Variants in OR56B4 observed in about 807,000 individuals in gnomAD.
The protein encoded by OR56B4 is olfactory receptor family 56 subfamily B member 4, also known as olfactory receptor 56B4.
For missense variants in OR56B4, 447 were observed against 384.6 expected (o/e 1.16, Z -1.36); for synonymous variants, 142 against 149.5 (o/e 0.95, Z 0.37).
Position 6,108,621 on chromosome 11 carries a change from T to C in OR56B4, c.843T>C (p.Asn281=). The C allele has an allele frequency of 6.2e-7, 1 of 1,614,192 alleles. No individual in the cohort carries two copies. Among genetic ancestry groups the C allele is most frequent in the Non-Finnish European group, 8.5e-7 (1 of 1,180,024 alleles). The stretch of plus-strand genomic sequence containing the variant: ...TTCCCCTTATTCCTGTGTTCCTTAA[T>C]GTGCTGCACAATGTCATCCCCCCTG... ...KKIPLIPVFL[N]VLHNVIPPAL... is the part of the protein sequence containing the mutation. Residue 281 remains asparagine, a synonymous_variant, in exon 1 of 1, where the codon AAT becomes AAC. Coordinates refer to ENST00000316529, the MANE Select transcript of OR56B4 (RefSeq NM_001005181.2).
rs756308116 is a variant in OR56B4, at chr11:6,108,782, G to T, written c.*44G>T. 5.0e-6 allele frequency: 8 copies of T among 1,592,858 alleles called. No individual in the cohort carries two copies. The Admixed American group carries it at 1.4e-4, about 27-fold the overall frequency. Reference sequence around the variant, plus strand: ...AGTAAGATGTTAGGAAATGACAGAGGTTTTAGTTCTCAATAGATCAGGGTT... The same window carrying T: ...AGTAAGATGTTAGGAAATGACAGAGTTTTTAGTTCTCAATAGATCAGGGTT... On this transcript the variant is annotated 3_prime_UTR_variant, in exon 1 of 1. Coordinates refer to ENST00000316529, the MANE Select transcript of OR56B4 (RefSeq NM_001005181.2).
In OR56B4 at chr11:6,108,289, C is replaced by T; in HGVS notation, c.511C>T (p.Gln171Ter). ...CATCCCAGTGCCTATACTGGCTGCC[C>T]AGAGACACTACTGTTCCAGGAATGA... ...LTIPVPILAA[Q>*]RHYCSRNEIE... The change falls in exon 1 of 1, where the codon CAG becomes TAG. Residue 171 changes from glutamine to a stop codon, truncating the protein, a stop_gained. Transcript: ENST00000316529. LOFTEE classifies it low-confidence loss of function (END_TRUNC). 1.2e-6 allele frequency: 2 copies of T among 1,614,194 alleles called. No homozygotes were observed. Among genetic ancestry groups the T allele is most frequent in the Non-Finnish European group, 1.7e-6 (2 of 1,180,028 alleles).
chr11:6,108,554 G>A lies in OR56B4; in HGVS notation c.776G>A (p.Gly259Asp), dbSNP rs774988701. 8 of 1,613,868 alleles carry A rather than the reference G, an allele frequency of 5.0e-6. No homozygotes were observed. Among genetic ancestry groups the A allele is most frequent in the Non-Finnish European group, 5.9e-6 (7 of 1,179,922 alleles). ...SHLILILFHT[G>D]IIVLSVTHLA... Reference sequence around the variant, plus strand: ...CTCATCCTCATCCTCTTCCACACAGGTATCATTGTGCTGTCTGTCACACAC... The same window carrying A: ...CTCATCCTCATCCTCTTCCACACAGATATCATTGTGCTGTCTGTCACACAC... Residue 259 changes from glycine to aspartate, a missense_variant, in exon 1 of 1, where the codon GGT becomes GAT. Transcript: ENST00000316529.
Position 6,108,652 on chromosome 11 carries a change from A to G in OR56B4, c.874A>G (p.Asn292Asp). The G allele has an allele frequency of 6.2e-7, 1 of 1,613,940 alleles. No homozygotes were observed. Among genetic ancestry groups the G allele is most frequent in the Non-Finnish European group, 8.5e-7 (1 of 1,179,886 alleles). ...GCACAATGTCATCCCCCCTGCACTCAACCCCCTGGCCTGTGCACTCAGGAT... is the reference window on the plus strand; with the variant it reads ...GCACAATGTCATCCCCCCTGCACTCGACCCCCTGGCCTGTGCACTCAGGAT... ...VLHNVIPPAL[N>D]PLACALRMHK... is the part of the protein sequence containing the mutation. Residue 292 changes from asparagine to aspartate, a missense_variant, in exon 1 of 1, where the codon AAC becomes GAC. Transcript: ENST00000316529.
In OR56B4 at chr11:6,108,278, T is replaced by C. The variant is rs1238003737; in HGVS notation, c.500T>C (p.Ile167Thr). Residue 167 changes from isoleucine (I) to threonine (T), a missense_variant, in exon 1 of 1, where the codon ATA becomes ACA. Coordinates refer to ENST00000316529, the MANE Select transcript of OR56B4 (RefSeq NM_001005181.2). ...GGCCTGTTGACCATCCCAGTGCCTA[T>C]ACTGGCTGCCCAGAGACACTACTGT... ...RNGLLTIPVP[I>T]LAAQRHYCSR... 4 of 1,614,054 alleles carry C rather than the reference T, an allele frequency of 2.5e-6. No homozygotes were observed. Among genetic ancestry groups the C allele is most frequent in the East Asian group, 2.2e-5 (1 of 44,898 alleles).
At position 6,108,231 on chromosome 11, in the gene OR56B4, AG is replaced by A; in HGVS notation, c.456del (p.Phe153SerfsTer9). Reference protein sequence around the residue: ...VTKAFVFKATGFIMLRNGLLT... With the variant: ...VTKAFVFKATXFIMLRNGLLT... ...CTAAAGCTTTTGTCTTCAAAGCCAC[AG>A]GGTTCATCATGCTCAGGAATGGCCT... On this transcript the variant is annotated frameshift_variant, in exon 1 of 1. Transcript: ENST00000316529. LOFTEE classifies it low-confidence loss of function (END_TRUNC). 6.2e-7 allele frequency: 1 copy of A among 1,614,192 alleles called. No individual in the cohort carries two copies. Among genetic ancestry groups the A allele is most frequent in the South Asian group, 1.1e-5 (1 of 91,080 alleles).
rs1056976840 is a variant in OR56B4, at chr11:6,108,436, G to A, written c.658G>A (p.Val220Ile). 1.2e-6 allele frequency: 2 copies of A among 1,614,060 alleles called. No homozygotes were observed. The highest frequency in any genetic ancestry group is 1.7e-6 in the Non-Finnish European group (2 of 1,180,008). Residue 220 changes from valine to isoleucine, a missense_variant, in exon 1 of 1, where the codon GTA (valine) becomes ATA (isoleucine). Physicochemically the swap from Val to Ile is conservative, Grantham distance 29. Transcript: ENST00000316529. ...WVLVGSDMAL[V>I]FSSYAVILHS... The stretch of plus-strand genomic sequence containing the variant: ...CTTGGTTGGGAGTGATATGGCTCTG[G>A]TATTTTCTTCCTATGCTGTAATCCT...
chr11:6,107,955 C>A lies in OR56B4; in HGVS notation c.177C>A (p.Thr59=), dbSNP rs560313546. ...TCATAATCACCATTCAACATGAGACCGTGCTACATGAACCCATGTACCATT... is the reference window on the plus strand; with the variant it reads ...TCATAATCACCATTCAACATGAGACAGTGCTACATGAACCCATGTACCATT... ...LLIIITIQHE[T]VLHEPMYHLL... is the part of the protein sequence containing the mutation. Residue 59 remains threonine, a synonymous_variant, in exon 1 of 1, where the codon ACC becomes ACA. Transcript: ENST00000316529. The A allele has an allele frequency of 2.5e-6, 4 of 1,613,970 alleles. No individual in the cohort carries two copies. The highest frequency in any genetic ancestry group is 2.2e-5 in the South Asian group (2 of 91,076).
In OR56B4 at chr11:6,108,127, G is replaced by C. The variant is rs1264479594; in HGVS notation, c.349G>C (p.Glu117Gln). 1 of 1,614,090 alleles carries C rather than the reference G, an allele frequency of 6.2e-7. No homozygotes were observed. Among genetic ancestry groups the C allele is most frequent in the Non-Finnish European group, 8.5e-7 (1 of 1,180,036 alleles). ...TGCCATCCACTGCTTCTTCTGCATA[G>C]AGTCAGGCATCTTTCTCTGCATGGC... The part of the protein sequence containing the change: ...IYAIHCFFCI[E>Q]SGIFLCMAVD... Residue 117 changes from glutamate (E) to glutamine (Q), a missense_variant, in exon 1 of 1, where the codon GAG becomes CAG. Physicochemically the swap from Glu to Gln is conservative, Grantham distance 29. Coordinates refer to ENST00000316529, the MANE Select transcript of OR56B4 (RefSeq NM_001005181.2).
rs758019955 is a variant in OR56B4, at chr11:6,108,268, C to G, written c.490C>G (p.Pro164Ala). The G allele has an allele frequency of 2.5e-6, 4 of 1,614,048 alleles. No individual in the cohort carries two copies. Among genetic ancestry groups the G allele is most frequent in the Non-Finnish European group, 3.4e-6 (4 of 1,180,022 alleles). The change falls in exon 1 of 1, where the codon CCA becomes GCA. Residue 164 changes from proline to alanine, a missense_variant. Transcript: ENST00000316529. ...IMLRNGLLTI[P>A]VPILAAQRHY... ...GCTCAGGAATGGCCTGTTGACCATC[C>G]CAGTGCCTATACTGGCTGCCCAGAG...
rs202124822 is a variant in OR56B4 at position 6,108,509 on chromosome 11, T to G, written c.731T>G (p.Leu244Arg). The G allele has an allele frequency of 2.5e-6, 4 of 1,614,114 alleles. No individual in the cohort carries two copies. Among genetic ancestry groups the G allele is most frequent in the Non-Finnish European group, 3.4e-6 (4 of 1,180,038 alleles). The change falls in exon 1 of 1, where the codon CTG (leucine) becomes CGG (arginine). Residue 244 changes from leucine to arginine, a missense_variant. By Grantham distance (102) the Leu-to-Arg change is moderately radical. Coordinates refer to ENST00000316529, the MANE Select transcript of OR56B4 (RefSeq NM_001005181.2). ...LNSAEAMSKA[L>R]STCSSHLILI... Reference sequence around the variant, plus strand: ...TCAGCAGAAGCAATGTCCAAGGCTCTGAGCACTTGTAGCTCCCACCTCATC... The same window carrying G: ...TCAGCAGAAGCAATGTCCAAGGCTCGGAGCACTTGTAGCTCCCACCTCATC...
chr11:6,107,758 T>G lies in OR56B4; in HGVS notation c.-21T>G. On this transcript the variant is annotated 5_prime_UTR_variant, in exon 1 of 1. Transcript: ENST00000316529. ...GATTTCTTCTATTTCAGACAGACAC[T>G]GAGACTGAGGCACCCATTCCATGGA... is the stretch of plus-strand genomic sequence containing the variant. The G allele has an allele frequency of 6.3e-7, 1 of 1,593,610 alleles. No individual in the cohort carries two copies. The highest frequency in any genetic ancestry group is 8.6e-7 in the Non-Finnish European group (1 of 1,169,318).
chr11:6,108,051 C>A lies in OR56B4; in HGVS notation c.273C>A (p.Phe91Leu). 1 of 1,614,184 alleles carries A rather than the reference C, an allele frequency of 6.2e-7. No individual in the cohort carries two copies. Among genetic ancestry groups the A allele is most frequent in the Non-Finnish European group, 8.5e-7 (1 of 1,180,018 alleles). ...TTIMPKILAI[F>L]WFDAKAISLP... ...TCATGCCCAAGATCCTGGCCATCTT[C>A]TGGTTTGATGCCAAGGCCATTAGCC... The change falls in exon 1 of 1, where the codon TTC becomes TTA. Residue 91 changes from phenylalanine (F) to leucine (L), a missense_variant. Physicochemically the swap from Phe to Leu is conservative, Grantham distance 22. Transcript: ENST00000316529.
At position 6,108,153 on chromosome 11, in the gene OR56B4, A is replaced by G; in HGVS notation, c.375A>G (p.Ala125=). Residue 125 remains alanine (A), a synonymous_variant, in exon 1 of 1, where the codon GCA becomes GCG. Transcript: ENST00000316529. The part of the protein sequence containing the change: ...CIESGIFLCM[A]VDRYIAICRP... The stretch of plus-strand genomic sequence containing the variant: ...AGTCAGGCATCTTTCTCTGCATGGC[A>G]GTAGACAGATACATAGCCATCTGTC... 1 of 1,614,150 alleles carries G rather than the reference A, an allele frequency of 6.2e-7. No individual in the cohort carries two copies.
chr11:6,108,265 A>T lies in OR56B4; in HGVS notation c.487A>T (p.Ile163Phe). ...FIMLRNGLLT[I>F]PVPILAAQRH... Reference sequence around the variant, plus strand: ...CATGCTCAGGAATGGCCTGTTGACCATCCCAGTGCCTATACTGGCTGCCCA... The same window carrying T: ...CATGCTCAGGAATGGCCTGTTGACCTTCCCAGTGCCTATACTGGCTGCCCA... Residue 163 changes from isoleucine to phenylalanine, a missense_variant, in exon 1 of 1, where the codon ATC (isoleucine) becomes TTC (phenylalanine). Physicochemically the swap from Ile to Phe is conservative, Grantham distance 21. Coordinates refer to ENST00000316529, the MANE Select transcript of OR56B4 (RefSeq NM_001005181.2). The T allele has an allele frequency of 6.2e-7, 1 of 1,614,182 alleles. No individual in the cohort carries two copies. Among genetic ancestry groups the T allele is most frequent in the Non-Finnish European group, 8.5e-7 (1 of 1,180,030 alleles).
chr11:6,108,099 C>G lies in OR56B4; in HGVS notation c.321C>G (p.Ile107Met). 1.2e-6 allele frequency: 2 copies of G among 1,614,158 alleles called. No individual in the cohort carries two copies. The highest frequency in any genetic ancestry group is 1.7e-6 in the Non-Finnish European group (2 of 1,180,030). The change falls in exon 1 of 1, where the codon ATC (isoleucine) becomes ATG (methionine). Residue 107 changes from isoleucine to methionine, a missense_variant. Physicochemically the swap from Ile to Met is conservative, Grantham distance 10 (BLOSUM62 1). Transcript: ENST00000316529. ...AISLPMCFAQ[I>M]YAIHCFFCIE... ...GCCTCCCCATGTGTTTTGCTCAGAT[C>G]TATGCCATCCACTGCTTCTTCTGCA...
Position 6,108,159 on chromosome 11 carries a change from C to A in OR56B4, c.381C>A (p.Asp127Glu). 1 of 1,614,140 alleles carries A rather than the reference C, an allele frequency of 6.2e-7. No individual in the cohort carries two copies. The highest frequency in any genetic ancestry group is 8.5e-7 in the Non-Finnish European group (1 of 1,179,980). The change falls in exon 1 of 1, where the codon GAC becomes GAA. Residue 127 changes from aspartate to glutamate, a missense_variant. By Grantham distance (45) the Asp-to-Glu change is conservative. Transcript: ENST00000316529. The part of the protein sequence containing the change: ...ESGIFLCMAV[D>E]RYIAICRPLQ... ...GCATCTTTCTCTGCATGGCAGTAGACAGATACATAGCCATCTGTCGCCCTC... is the reference window on the plus strand; with the variant it reads ...GCATCTTTCTCTGCATGGCAGTAGAAAGATACATAGCCATCTGTCGCCCTC...
rs777077306 is a variant in OR56B4, at chr11:6,108,529, C to A, written c.751C>A (p.Leu251Ile). Reference protein sequence around the residue: ...SKALSTCSSHLILILFHTGII... With the variant: ...SKALSTCSSHIILILFHTGII... ...GGCTCTGAGCACTTGTAGCTCCCAC[C>A]TCATCCTCATCCTCTTCCACACAGG... Residue 251 changes from leucine to isoleucine, a missense_variant, in exon 1 of 1, where the codon CTC becomes ATC. Transcript: ENST00000316529. The A allele has an allele frequency of 6.2e-7, 1 of 1,614,146 alleles. No homozygotes were observed. The highest frequency in any genetic ancestry group is 8.5e-7 in the Non-Finnish European group (1 of 1,179,986).
chr11:6,107,862 G>C lies in OR56B4; in HGVS notation c.84G>C (p.Glu28Asp). ...TGATGGGATTACCAGGCATTCATGAGTGGCAGCACTGGCTCTCCCTGCCCC... is the reference window on the plus strand; with the variant it reads ...TGATGGGATTACCAGGCATTCATGACTGGCAGCACTGGCTCTCCCTGCCCC... The part of the protein sequence containing the change: ...FILMGLPGIH[E>D]WQHWLSLPLT... Residue 28 changes from glutamate (E) to aspartate (D), a missense_variant, in exon 1 of 1, where the codon GAG (glutamate) becomes GAC (aspartate). Glu to Asp is a conservative substitution (Grantham distance 45). Coordinates refer to ENST00000316529, the MANE Select transcript of OR56B4 (RefSeq NM_001005181.2). 3 of 1,614,110 alleles carry C rather than the reference G, an allele frequency of 1.9e-6. No individual in the cohort carries two copies. Among genetic ancestry groups the C allele is most frequent in the Non-Finnish European group, 2.5e-6 (3 of 1,180,012 alleles).
Sources: gnomAD v4.1 joint callset for allele counts on GRCh38, gnomAD v4.1.1 for gene constraint, MANE v1.5 for transcripts, NCBI Gene and HGNC (gene_info 2026-07-23, HGNC 2026-07-21) for gene names.